The following RORA variants were observed in gnomAD, a reference collection of about 807,000 sequenced individuals.
RORA encodes the protein nuclear receptor ROR-alpha.
RORA carries 7 observed loss-of-function variants against 69.5 expected under a neutral mutation model. The observed-to-expected ratio is 0.10, with a 90% CI of 0.06 to 0.19. The LOEUF (loss-of-function observed/expected upper bound fraction) is 0.19, where lower values mean the gene tolerates loss of function less well. Among genes scored for constraint, RORA ranks in the 10% least tolerant of loss-of-function variants. The pLI, the probability that RORA is intolerant of heterozygous loss-of-function variation, is 1.00. For synonymous variants in RORA, 261 were observed against 240.8 expected (o/e 1.08, Z -0.78); for missense variants, 457 against 663.0 (o/e 0.69, Z 3.41).
chr15:60,954,523 G>C (rs1199950694), intron 1 of RORA, among the ~76,000 whole-genome samples: 1 of 152,062 alleles, frequency 6.6e-6, no homozygotes, highest in Non-Finnish European at 1.5e-5. Flanking sequence ...TTGTCTTATG[G>C]AGGTCTGTCT....
At chr15:60,529,349 GAA>G (rs1264456125) in intron 3 of RORA, 1 of 150,502 alleles carries the variant, frequency 6.6e-6, no homozygotes, top group Non-Finnish European at 1.5e-5. Context: ...GGCAAAAATA[GAA>G]GTCTTTTGAC....
intron 1 of RORA, among the ~76,000 whole-genome samples, chr15:60,790,970 C>T (rs1033455026): frequency 4.6e-5 from 7 of 152,124 alleles, no homozygotes; most frequent in Admixed American, 2.0e-4. Flanking sequence ...AACGCCCCCC[C>T]ATTGCCCCCC....
At chr15:60,533,947 G>T (rs1346487881) in intron 2 of RORA, among the ~76,000 whole-genome samples, 1 of 152,116 alleles carries the variant, frequency 6.6e-6, no homozygotes, top group Non-Finnish European at 1.5e-5. Context: ...GCTAAACTTG[G>T]GCCTTTCAAG....
At chr15:60,792,943 T>C (rs76372457) in intron 1 of RORA, among the ~76,000 whole-genome samples, 6,051 of 152,082 alleles carry the variant, frequency 0.04, 198 homozygotes, top group Admixed American at 0.1. Flanking sequence ...AAATGACACA[T>C]TGCCTCTTTG....
At chr15:60,962,515 C>G (rs1032452240) in intron 1 of RORA, among the ~76,000 whole-genome samples, 1 of 152,216 alleles carries the variant, frequency 6.6e-6, no homozygotes, top group Admixed American at 6.5e-5. Flanking sequence ...AAGCTGTTTT[C>G]TTCTGAGAGC....
At chr15:60,630,674 C>A (rs960057125) in intron 2 of RORA, 5 of 152,230 alleles carry the variant, frequency 3.3e-5, no homozygotes, top group African/African-American at 1.2e-4. Flanking sequence ...AAATCTATAG[C>A]CTTTGAAGTC....
chr15:61,114,318 T>G (rs1048136448), intron 1 of RORA, among the ~76,000 whole-genome samples: 1 of 152,044 alleles, frequency 6.6e-6, no homozygotes, highest in Non-Finnish European at 1.5e-5. Flanking sequence ...ACTTCCAAAC[T>G]CATTTAATGC....
intron 1 of RORA, among the ~76,000 whole-genome samples, chr15:60,781,138 C>T (rs2072246951): frequency 6.6e-6 from 1 of 152,132 alleles, no homozygotes; most frequent in Non-Finnish European, 1.5e-5. Flanking sequence ...TTCTTAAGTG[C>T]ATAGAAGGTA....
At chr15:60,666,542 ATACATTTT>A (rs2070385451) in intron 2 of RORA, among the ~76,000 whole-genome samples, 2 of 152,068 alleles carry the variant, frequency 1.3e-5, no homozygotes, top group African/African-American at 4.8e-5. Flanking sequence ...CTATTCTGCA[ATACATTTT>A]ATACTGTCAC....
chr15:60,545,914 T>A (rs1313589000), intron 2 of RORA, among the ~76,000 whole-genome samples: 1 of 152,230 alleles, frequency 6.6e-6, no homozygotes, highest in Non-Finnish European at 1.5e-5. Flanking sequence ...TCTGTGTGAT[T>A]TTTCTACTGT....
intron 1 of RORA, among the ~76,000 whole-genome samples, chr15:61,059,982 GGAAGAGGAAGAAGAAGAA>G (rs1424804388): frequency 0.027 from 2,045 of 77,082 alleles, 19 homozygotes; most frequent in Non-Finnish European, 0.034. Context: ...AAGAGGAAGA[GGAAGAGGAAGAAGAAGAA>G]GAAGAAGAAG....
At position 61,226,295 on chromosome 15, in the gene RORA, C is replaced by T. The variant is rs1352428411; in HGVS notation, c.166+2758G>A. On this transcript the variant is annotated intron_variant, in intron 1 of 10. Transcript: ENST00000335670. This position sits in a 1 kb window ranked among gnomAD's most constrained non-coding sequence, Gnocchi z 4.2. ...CCCAATGCCAAGAACTCCACTCCAC[C>T]CTCCTGGAGGTTGAAAATGCTAATC... Among the ~76,000 whole-genome samples the T allele has an allele frequency of 6.6e-6, 1 of 152,192 alleles. No homozygotes were observed. The highest frequency in any genetic ancestry group is 1.5e-5 in the Non-Finnish European group (1 of 68,032).
chr15:60,579,784 T>C (rs2068137816), intron 2 of RORA, among the ~76,000 whole-genome samples: 1 of 152,174 alleles, frequency 6.6e-6, no homozygotes, highest in South Asian at 2.1e-4. Context: ...TAAAGAGGCC[T>C]TATTATAATT....
At chr15:60,885,370 T>C (rs1269349219) in intron 1 of RORA, among the ~76,000 whole-genome samples, 3 of 152,228 alleles carry the variant, frequency 2.0e-5, no homozygotes, top group Non-Finnish European at 2.9e-5. Context: ...TTACCAGATA[T>C]ACAAGTATTG....
At chr15:60,752,703 C>T (rs572375711) in intron 1 of RORA, among the ~76,000 whole-genome samples, 2 of 133,546 alleles carry the variant, frequency 1.5e-5, no homozygotes, top group South Asian at 4.7e-4. Flanking sequence ...GGGAAAACAA[C>T]CAAAACATCG....
intron 2 of RORA, among the ~76,000 whole-genome samples, chr15:60,561,995 G>C (rs938587155): frequency 1.3e-5 from 2 of 151,958 alleles, no homozygotes; most frequent in Non-Finnish European, 2.9e-5. Flanking sequence ...CCAGGCTGGA[G>C]TACAGTGGCG....
chr15:60,504,413 G>C (rs2065430201), intron 6 of RORA, among the ~76,000 whole-genome samples: 1 of 152,024 alleles, frequency 6.6e-6, no homozygotes, highest in African/African-American at 2.4e-5. Context: ...CAGGCGTGGT[G>C]GTACACACCG....
intron 1 of RORA, among the ~76,000 whole-genome samples, chr15:60,999,163 G>C (rs962047523): frequency 6.6e-6 from 1 of 152,208 alleles, no homozygotes; most frequent in Non-Finnish European, 1.5e-5. Context: ...TAAATCTTCT[G>C]TGGACCCCTG....
chr15:61,119,492 A>C (rs78176140), intron 1 of RORA, among the ~76,000 whole-genome samples: 5,991 of 151,380 alleles, frequency 0.04, 398 homozygotes, highest in African/African-American at 0.14. Flanking sequence ...TTTTCCCCCC[A>C]GAGACAGGGT....
Sources: allele counts gnomAD v4.1 joint callset (sites outside exome capture counted in the v4.1 genomes callset), GRCh38; gene constraint gnomAD v4.1.1; non-coding constraint Gnocchi (gnomAD v3.1); transcripts MANE v1.5; gene names NCBI Gene and HGNC (gene_info 2026-07-23, HGNC 2026-07-21).